Variants in RGS20 observed in about 807,000 individuals in gnomAD.
The protein encoded by RGS20 is regulator of G protein signaling 20.
In RGS20, 30 loss-of-function variants were observed where a neutral mutation model predicts 33.6. That is an observed-to-expected ratio of 0.89 (90% CI 0.67 to 1.21). The LOEUF (loss-of-function observed/expected upper bound fraction) is 1.21. RGS20 is among the 50% of genes most tolerant of loss of function. RGS20 has a pLI of 0.00. For synonymous variants in RGS20, 208 were observed against 197.9 expected (o/e 1.05, Z -0.43); for missense variants, 472 against 502.4 (o/e 0.94, Z 0.58).
intron 1 of RGS20, among the ~76,000 whole-genome samples, chr8:53,878,036 C>T (rs979259312): frequency 6.6e-6 from 1 of 152,258 alleles, no homozygotes; most frequent in African/African-American, 2.4e-5. Context: ...CTGGGACCCA[C>T]GCCCAACCCA....
Position 53,889,398 on chromosome 8 carries a change from T to TTCTC in RGS20, c.510+9808_510+9811dup, listed in dbSNP as rs200412498. On this transcript the variant is annotated intron_variant, in intron 2 of 5. Transcript: ENST00000297313. ...CCCATTTTTCTTTTTCTTTCTTTCTTTCTCTCTCTCTCTCTTTTTTTTTTT... is the reference window on the plus strand; with the variant it reads ...CCCATTTTTCTTTTTCTTTCTTTCTTTCTCTCTCTCTCTCTCTCTTTTTTTTTTT... 5.0e-4 allele frequency among the ~76,000 whole-genome samples: 62 copies of TTCTC among 124,140 alleles called. 1 individual carries two copies. The highest frequency in any genetic ancestry group is 1.3e-3 in the South Asian group (5 of 3,978). 81.4% of individuals were successfully genotyped at this position (124,140 alleles called of 152,430 possible).
intron 1 of RGS20, among the ~76,000 whole-genome samples, chr8:53,861,073 T>A (rs773104792): frequency 6.6e-6 from 1 of 152,180 alleles, no homozygotes; most frequent in African/African-American, 2.4e-5. Context: ...TAAACCAACT[T>A]ATGGGATTCC....
chr8:53,852,030 A>G lies in RGS20; in HGVS notation c.131A>G (p.Asn44Ser). Residue 44 changes from asparagine to serine, a missense_variant, in exon 1 of 6, where the codon AAT becomes AGT. By Grantham distance (46) the Asn-to-Ser change is conservative. Transcript: ENST00000297313. ...ACAGACATTCACCAAATCACAGAAA[A>G]TGAAGGAGACCTCAGGGCTGTTCCT... The G allele has an allele frequency of 6.2e-6, 10 of 1,614,090 alleles. No homozygotes were observed. Among genetic ancestry groups the G allele is most frequent in the Non-Finnish European group, 8.5e-6 (10 of 1,179,966 alleles).
At chr8:53,862,681 C>A (rs1811835231) in intron 1 of RGS20, among the ~76,000 whole-genome samples, 1 of 152,144 alleles carries the variant, frequency 6.6e-6, no homozygotes, top group African/African-American at 2.4e-5. Context: ...GCCCCTAAGT[C>A]CTAGCTACTC....
At chr8:53,942,872 T>C (rs977066475) in intron 3 of RGS20, among the ~76,000 whole-genome samples, 5 of 150,446 alleles carry the variant, frequency 3.3e-5, no homozygotes, top group Non-Finnish European at 7.4e-5. Flanking sequence ...GGCATGTGCC[T>C]GTAGTCCCAG....
At chr8:53,922,868 CCAGGCTGGT>C (rs1813690759) in intron 2 of RGS20, among the ~76,000 whole-genome samples, 1 of 152,064 alleles carries the variant, frequency 6.6e-6, no homozygotes, top group African/African-American at 2.4e-5. Flanking sequence ...ACTATGTTGT[CCAGGCTGGT>C]CTTGAACTCC....
chr8:53,869,044 C>T (rs764655718), intron 1 of RGS20, among the ~76,000 whole-genome samples: 87 of 152,248 alleles, frequency 5.7e-4, no homozygotes, highest in African/African-American at 1.7e-3. Flanking sequence ...TGAGCCACCG[C>T]GCCTGGAAAC....
chr8:53,857,614 C>T (rs1811707651), intron 1 of RGS20, among the ~76,000 whole-genome samples: 1 of 152,208 alleles, frequency 6.6e-6, no homozygotes, highest in Non-Finnish European at 1.5e-5. Flanking sequence ...GTTAACACAG[C>T]TTGAGCATCC....
intron 1 of RGS20, among the ~76,000 whole-genome samples, chr8:53,863,025 G>T (rs750963372): frequency 1.3e-5 from 2 of 152,234 alleles, no homozygotes; most frequent in Admixed American, 6.5e-5. Context: ...TTTCGCTCTT[G>T]TTTCTCAGGC....
intron 1 of RGS20, among the ~76,000 whole-genome samples, chr8:53,878,190 T>A (rs1295778633): frequency 1.3e-5 from 2 of 152,164 alleles, no homozygotes; most frequent in African/African-American, 4.8e-5. Flanking sequence ...TGAGGGGGTG[T>A]TTGGATTGGC....
rs1812239084 is a variant in RGS20 at position 53,877,647 on chromosome 8, G to C, written c.166-1611G>C. On this transcript the variant is annotated intron_variant, in intron 1 of 5. Coordinates refer to ENST00000297313, the MANE Select transcript of RGS20 (RefSeq NM_170587.4). This position sits in a 1 kb window ranked among gnomAD's most constrained non-coding sequence, Gnocchi z 5.7. Reference sequence around the variant, plus strand: ...ATAAAAGCACCTTGCCAGAGAGCGGGGGAGGGGAGCAGCTGAACGAGGAGA... The same window carrying C: ...ATAAAAGCACCTTGCCAGAGAGCGGCGGAGGGGAGCAGCTGAACGAGGAGA... Among the ~76,000 whole-genome samples, 1 of 152,224 alleles carries C rather than the reference G, an allele frequency of 6.6e-6. No individual in the cohort carries two copies. The highest frequency in any genetic ancestry group is 1.5e-5 in the Non-Finnish European group (1 of 68,036).
At chr8:53,923,137 T>C (rs12708158) in intron 2 of RGS20, among the ~76,000 whole-genome samples, 12,066 of 152,048 alleles carry the variant, frequency 0.079, 636 homozygotes, top group Middle Eastern at 0.13. Context: ...AAGGTGTATA[T>C]GTATTACAAA....
At chr8:53,853,109 A>G in intron 1 of RGS20, among the ~76,000 whole-genome samples, 1 of 152,212 alleles carries the variant, frequency 6.6e-6, no homozygotes. Flanking sequence ...AGTGTCCAAG[A>G]GTCCTGAATT....
chr8:53,852,577 G>GT, intron 1 of RGS20, among the ~76,000 whole-genome samples: 1 of 152,180 alleles, frequency 6.6e-6, no homozygotes, highest in East Asian at 1.9e-4. Context: ...CTATCAGTAG[G>GT]TAATAACATT....
chr8:53,890,750 C>T (rs1042231007), intron 2 of RGS20, among the ~76,000 whole-genome samples: 2 of 152,230 alleles, frequency 1.3e-5, no homozygotes, highest in Non-Finnish European at 2.9e-5. Context: ...CCACTTCAAC[C>T]TCCTGAGTAG....
At chr8:53,914,184 C>A (rs1407382195) in intron 2 of RGS20, among the ~76,000 whole-genome samples, 2 of 152,148 alleles carry the variant, frequency 1.3e-5, no homozygotes, top group East Asian at 3.9e-4. Flanking sequence ...GCATGCATCA[C>A]CACATCTGGC....
intron 2 of RGS20, among the ~76,000 whole-genome samples, chr8:53,891,403 G>A (rs1234627070): frequency 6.6e-6 from 1 of 152,146 alleles, no homozygotes; most frequent in Admixed American, 6.5e-5. Flanking sequence ...TGGATCACTT[G>A]AGGTCAGGAT....
chr8:53,912,771 C>T (rs1393704727), intron 2 of RGS20, among the ~76,000 whole-genome samples: 1 of 152,050 alleles, frequency 6.6e-6, no homozygotes, highest in Non-Finnish European at 1.5e-5. Context: ...AAAAGAAAAA[C>T]TTATCCTTAA....
intron 2 of RGS20, among the ~76,000 whole-genome samples, chr8:53,920,630 C>A (rs982716186): frequency 6.6e-6 from 1 of 152,094 alleles, no homozygotes; most frequent in Non-Finnish European, 1.5e-5. Context: ...AGAAAGCCAT[C>A]AGTCTTTCAG....
Sources: gnomAD v4.1 joint callset for allele counts (sites outside exome capture counted in the v4.1 genomes callset) on GRCh38, gnomAD v4.1.1 for gene constraint, Gnocchi (gnomAD v3.1) non-coding constraint, MANE v1.5 for transcripts, NCBI Gene and HGNC (gene_info 2026-07-23, HGNC 2026-07-21) for gene names.